Variants in PARD3B observed in about 807,000 individuals in gnomAD.
PARD3B encodes partitioning defective 3 homolog B.
In PARD3B, 103 loss-of-function variants were observed where a neutral mutation model predicts 130.2. That is an observed-to-expected ratio of 0.79 (90% CI 0.67 to 0.93). PARD3B has a LOEUF of 0.93. PARD3B is among the 40% of genes least tolerant of loss of function. The probability of loss-of-function intolerance (pLI) is 0.00; values close to 1 mark genes in which losing one functional copy is unlikely to be tolerated. For missense variants in PARD3B, 1,609 were observed against 1,499.2 expected, an observed-to-expected ratio of 1.07 and a Z score of -1.21; for synonymous variants, 583 against 553.2, an observed-to-expected ratio of 1.05 and a Z score of -0.76.
At chr2:204,863,901 T>C (rs2045311341) in intron 2 of PARD3B, among the ~76,000 whole-genome samples, 1 of 152,342 alleles carries the variant, frequency 6.6e-6, no homozygotes, top group Non-Finnish European at 1.5e-5. Context: ...AGTTGAATTT[T>C]ATGAAAATTG....
intron 1 of PARD3B, among the ~76,000 whole-genome samples, chr2:204,627,102 C>A (rs1169383970): frequency 6.6e-6 from 1 of 152,130 alleles, no homozygotes; most frequent in Non-Finnish European, 1.5e-5. Context: ...CTCTTTCCTG[C>A]CACCTTGTGA....
chr2:205,425,885 A>G (rs2047128185), intron 19 of PARD3B, among the ~76,000 whole-genome samples: 1 of 152,218 alleles, frequency 6.6e-6, no homozygotes, highest in South Asian at 2.1e-4. Flanking sequence ...TCACCGTGTT[A>G]TTTGTGTGTG....
chr2:205,040,028 A>G (rs965606858), intron 3 of PARD3B, among the ~76,000 whole-genome samples: 1 of 152,130 alleles, frequency 6.6e-6, no homozygotes, highest in East Asian at 1.9e-4. Context: ...CAGTGGCACA[A>G]TCTCGGCTCC....
intron 20 of PARD3B, among the ~76,000 whole-genome samples, chr2:205,474,281 G>A (rs373182882): frequency 2.1e-4 from 32 of 151,916 alleles, no homozygotes; most frequent in African/African-American, 6.5e-4. Flanking sequence ...ATTATTCCAC[G>A]ATTTAATTGG....
At position 205,038,211 on chromosome 2, in the gene PARD3B, T is replaced by C. The variant is rs140359500; in HGVS notation, c.395-9370T>C. Among the ~76,000 whole-genome samples the C allele has an allele frequency of 7.8e-3, 1,180 of 152,210 alleles. 7 individuals carry two copies. The highest frequency in any genetic ancestry group is 0.026 in the African/African-American group (1,084 of 41,548). On this transcript the variant is annotated intron_variant, in intron 3 of 22. Coordinates refer to ENST00000406610, the MANE Select transcript of PARD3B (RefSeq NM_001302769.2). ...GGTCCTTGAATGCCAGAACAAGAAA[T>C]TGGGAGGTTGACGCACACATAATCA...
rs2029888100 is a variant in PARD3B, at chr2:204,545,861, C to G, written c.-139C>G. The G allele has an allele frequency of 4.2e-6, 4 of 955,412 alleles. No homozygotes were observed. The East Asian group carries it at 1.3e-4, about 32-fold the overall frequency. The allele number at this position is 955,412 out of a possible 1,614,324, so 59.2% of individuals were successfully genotyped here. On this transcript the variant is annotated 5_prime_UTR_variant, in exon 1 of 23. Transcript: ENST00000406610. Reference sequence around the variant, plus strand: ...GTGGAAGGGGCGCTGCCGCGAGCCTCCGGGCCTCAGGGTGTTCCGGGGAGC... The same window carrying G: ...GTGGAAGGGGCGCTGCCGCGAGCCTGCGGGCCTCAGGGTGTTCCGGGGAGC...
chr2:204,802,217 G>A (rs2042596190), intron 2 of PARD3B, among the ~76,000 whole-genome samples: 1 of 152,180 alleles, frequency 6.6e-6, no homozygotes, highest in African/African-American at 2.4e-5. Context: ...AGACATTTAT[G>A]TGGCCAATAA....
intron 2 of PARD3B, among the ~76,000 whole-genome samples, chr2:204,861,162 TTCTCTC>T (rs60740602): frequency 0.084 from 7,642 of 90,968 alleles, 250 homozygotes; most frequent in Middle Eastern, 0.14. Flanking sequence ...CCTAATACCT[TTCTCTC>T]TCTCTCTCTC....
chr2:204,939,590 A>T (rs529759399), intron 2 of PARD3B, among the ~76,000 whole-genome samples: 2 of 152,328 alleles, frequency 1.3e-5, no homozygotes, highest in South Asian at 4.1e-4. Flanking sequence ...TTTTTGTGGT[A>T]TGTACATTTC....
At chr2:205,020,317 T>C (rs1026113070) in intron 3 of PARD3B, among the ~76,000 whole-genome samples, 2 of 152,154 alleles carry the variant, frequency 1.3e-5, no homozygotes, top group African/African-American at 2.4e-5. Context: ...TACAATTATC[T>C]TGTATCATTC....
intron 19 of PARD3B, among the ~76,000 whole-genome samples, chr2:205,404,212 A>T (rs1335965972): frequency 9.2e-5 from 14 of 152,220 alleles, no homozygotes. Context: ...TTAGAAAAGA[A>T]ATTTCACAAA....
In PARD3B at chr2:205,568,441, C is replaced by G. The variant is rs187853265; in HGVS notation, c.3260+15038C>G. On this transcript the variant is annotated intron_variant, in intron 22 of 22. Coordinates refer to ENST00000406610, the MANE Select transcript of PARD3B (RefSeq NM_001302769.2). This position sits in a 1 kb window ranked among gnomAD's most constrained non-coding sequence, Gnocchi z 5.3. ...GCAATACATCAAAATGATGTAAGGT[C>G]TTTGACAAGTTCATTTTCTGTCAAG... 1.3e-5 allele frequency among the ~76,000 whole-genome samples: 2 copies of G among 152,278 alleles called. No individual in the cohort carries two copies. The highest frequency in any genetic ancestry group is 2.9e-5 in the Non-Finnish European group (2 of 68,018).
At chr2:204,908,283 A>G (rs1160905920) in intron 2 of PARD3B, among the ~76,000 whole-genome samples, 2 of 152,270 alleles carry the variant, frequency 1.3e-5, no homozygotes, top group Non-Finnish European at 2.9e-5. Context: ...CTAAAAGGAA[A>G]TCTAAATATA....
chr2:204,798,277 G>C (rs546913568), intron 2 of PARD3B, among the ~76,000 whole-genome samples: 1 of 152,242 alleles, frequency 6.6e-6, no homozygotes, highest in East Asian at 1.9e-4. Context: ...CTTGGCGTTG[G>C]AACTCAGTGC....
intron 18 of PARD3B, among the ~76,000 whole-genome samples, chr2:205,367,551 C>G (rs942578109): frequency 1.3e-5 from 2 of 152,182 alleles, no homozygotes; most frequent in Non-Finnish European, 2.9e-5. Flanking sequence ...TTAGAACAGA[C>G]AGCCCTAAAA....
intron 18 of PARD3B, among the ~76,000 whole-genome samples, chr2:205,323,054 G>T (rs2042809029): frequency 6.6e-6 from 1 of 151,332 alleles, no homozygotes; most frequent in Non-Finnish European, 1.5e-5. Flanking sequence ...GGGACTACAG[G>T]CGCCCACCAC....
chr2:205,032,389 A>G (rs1156564431), intron 3 of PARD3B, among the ~76,000 whole-genome samples: 11 of 152,166 alleles, frequency 7.2e-5, no homozygotes. Flanking sequence ...GTGCCACATC[A>G]TGAACAGAGT....
chr2:205,095,660 AC>A (rs1416247808), intron 4 of PARD3B, among the ~76,000 whole-genome samples: 1 of 152,092 alleles, frequency 6.6e-6, no homozygotes, highest in Non-Finnish European at 1.5e-5. Flanking sequence ...CTCTCTACCC[AC>A]CATCACCTCT....
intron 15 of PARD3B, among the ~76,000 whole-genome samples, chr2:205,235,227 C>T (rs910123701): frequency 2.0e-5 from 3 of 152,026 alleles, no homozygotes; most frequent in African/African-American, 7.2e-5. Context: ...TTGAGACCAG[C>T]CTGGGCAACA....
Sources: gnomAD v4.1 joint callset for allele counts (sites outside exome capture counted in the v4.1 genomes callset) on GRCh38, gnomAD v4.1.1 for gene constraint, Gnocchi (gnomAD v3.1) non-coding constraint, MANE v1.5 for transcripts, NCBI Gene and HGNC (gene_info 2026-07-23, HGNC 2026-07-21) for gene names.